Variants in RRBP1 observed in about 807,000 individuals in gnomAD.
RRBP1 encodes the protein ribosome binding protein 1.
RRBP1 carries 94 observed loss-of-function variants against 165.2 expected under a neutral mutation model. The observed-to-expected ratio is 0.57, with a 90% CI of 0.48 to 0.68. RRBP1 has a LOEUF of 0.68. Ranked by LOEUF, RRBP1 falls within the 30% of genes least tolerant of loss-of-function variation. RRBP1 has a pLI of 0.00. For synonymous variants in RRBP1, 680 were observed against 714.5 expected (o/e 0.95, Z 0.77); for missense variants, 1,676 against 1,763.0 (o/e 0.95, Z 0.88).
Position 17,659,878 on chromosome 20 carries a change from T to A in RRBP1, c.630A>T (p.Lys210Asn), listed in dbSNP as rs1432682695. 6 of 1,552,564 alleles carry A rather than the reference T, an allele frequency of 3.9e-6. No individual in the cohort carries two copies. In the East Asian group the frequency reaches 1.2e-4, roughly 32 times the overall value. ...KKAEGTQNQS[K>N]KAEGAPNQGR... The stretch of plus-strand genomic sequence containing the variant: ...CCTGGTTTGGGGCTCCTTCAGCCTT[T>A]TTGCTTTGATTCTGAGTCCCCTCCG... Residue 210 changes from lysine to asparagine, a missense_variant, in exon 3 of 25, where the codon AAA becomes AAT. Around this residue, in one of 5 missense-constraint regions of RRBP1, gnomAD observed 392 missense variants for 382.5 expected, o/e 1.02. Transcript: ENST00000377813.
chr20:17,658,456 C>A (rs768746257), intron 3 of RRBP1, 140 bp downstream of exon 3: 34 of 704,158 alleles, frequency 4.8e-5, no homozygotes, highest in African/African-American at 5.4e-5. Flanking sequence ...TTGAAGGCCA[C>A]TGAATTTTTT....
chr20:17,656,431 A>G (rs1022867498), intron 3 of RRBP1, among the ~76,000 whole-genome samples: 1 of 152,068 alleles, frequency 6.6e-6, no homozygotes, highest in Non-Finnish European at 1.5e-5. Flanking sequence ...AATTAAATCT[A>G]TTTCATCCAA....
rs192893871 is a variant in RRBP1, at chr20:17,638,832, C to A, written c.2185-2103G>T. On this transcript the variant is annotated intron_variant, in intron 5 of 24. Transcript: ENST00000377813. ...GCGCTGTTCCCTAGGAGTAGTGGGGCCCCTCATGGTGTAAGCTTTGAGGAC... is the reference window on the plus strand; with the variant it reads ...GCGCTGTTCCCTAGGAGTAGTGGGGACCCTCATGGTGTAAGCTTTGAGGAC... Among the ~76,000 whole-genome samples the A allele has an allele frequency of 1.8e-3, 270 of 152,208 alleles. 2 individuals carry two copies. Among genetic ancestry groups the A allele is most frequent in the South Asian group, 2.3e-3 (11 of 4,808 alleles).
At chr20:17,634,691 G>A (rs1025183869) in intron 7 of RRBP1, among the ~76,000 whole-genome samples, 2 of 152,212 alleles carry the variant, frequency 1.3e-5, no homozygotes, top group African/African-American at 4.8e-5. Flanking sequence ...GTGGGGAGAC[G>A]CCAGAGAATT....
At chr20:17,616,665 G>T in intron 21 of RRBP1, 67 bp downstream of exon 21, 2 of 1,090,740 alleles carry the variant, frequency 1.8e-6, no homozygotes, top group Non-Finnish European at 2.7e-6. Context: ...TAGTCCGAAC[G>T]GAGGCAGCAG....
chr20:17,641,606 G>T, intron 5 of RRBP1, 191 bp downstream of exon 5: 1 of 678,326 alleles, frequency 1.5e-6, no homozygotes, highest in East Asian at 2.6e-5. Context: ...CACGAGCACT[G>T]CCAAGGGTGA....
At chr20:17,623,855 C>T (rs189099311) in intron 13 of RRBP1, among the ~76,000 whole-genome samples, 125 of 152,042 alleles carry the variant, frequency 8.2e-4, no homozygotes, top group Middle Eastern at 3.4e-3. Context: ...TTGCTTGAAC[C>T]CGGGAGGCAG....
intron 1 of RRBP1, among the ~76,000 whole-genome samples, chr20:17,681,493 G>GC (rs2037186689): frequency 6.7e-6 from 1 of 149,064 alleles, no homozygotes; most frequent in Non-Finnish European, 1.5e-5. Flanking sequence ...CGGCCCGTGG[G>GC]CCCCCATTCA....
In RRBP1 at chr20:17,627,650, C is replaced by T. The variant is rs754640677; in HGVS notation, c.2782G>A (p.Glu928Lys). 1 of 1,610,816 alleles carries T rather than the reference C, an allele frequency of 6.2e-7. No individual in the cohort carries two copies. The highest frequency in any genetic ancestry group is 2.2e-5 in the East Asian group (1 of 44,826). The change falls in exon 10 of 25, where the codon GAG becomes AAG. Residue 928 changes from glutamate (E) to lysine (K), a missense_variant. Glu to Lys is a moderately conservative substitution (Grantham distance 56). Transcript: ENST00000377813. ...LHSKLQSSEAEVRSKCEELSG... is the reference protein window; with the variant it reads ...LHSKLQSSEAKVRSKCEELSG... ...AGCTCCTCGCATTTGCTGCGCACCT[C>T]CGCCTCGGAGGACTGTAACTTGCTG...
intron 22 of RRBP1, among the ~76,000 whole-genome samples, 161 bp downstream of exon 22, chr20:17,615,765 G>T (rs2035787967): frequency 6.6e-6 from 1 of 152,210 alleles, no homozygotes; most frequent in African/African-American, 2.4e-5. Context: ...TCCAGCCTGT[G>T]CTCCACCTGC....
chr20:17,654,515 G>A (rs571051297), intron 3 of RRBP1, among the ~76,000 whole-genome samples: 1 of 152,126 alleles, frequency 6.6e-6, no homozygotes, highest in East Asian at 1.9e-4. Context: ...TTGAATTTCG[G>A]GCCTTACCAC....
intron 18 of RRBP1, 33 bp from the exon 19 acceptor site, chr20:17,619,761 G>A (rs374505998): frequency 5.4e-5 from 81 of 1,504,116 alleles, no homozygotes; most frequent in African/African-American, 6.8e-5. Flanking sequence ...ACACGCATGC[G>A]CCAGCAGCCT....
At position 17,647,403 on chromosome 20, in the gene RRBP1, C is replaced by T. The variant is rs562189107; in HGVS notation, c.1913-4276G>A. On this transcript the variant is annotated intron_variant, in intron 3 of 24. Coordinates refer to ENST00000377813, the MANE Select transcript of RRBP1 (RefSeq NM_001365613.2). ...GGCCCTAGCGTGTCAGACTTGCACC[C>T]GAGGTTGGACTAGGTCCAAGTCTTC... Among the ~76,000 whole-genome samples, 20 of 152,302 alleles carry T rather than the reference C, an allele frequency of 1.3e-4. No homozygotes were observed. The South Asian group carries it at 2.9e-3, about 22-fold the overall frequency.
chr20:17,636,718 T>C lies in RRBP1; in HGVS notation c.2196A>G (p.Ala732=), dbSNP rs752398629. Residue 732 remains alanine, a synonymous_variant, in exon 6 of 25, where the codon GCA becomes GCG. Coordinates refer to ENST00000377813, the MANE Select transcript of RRBP1 (RefSeq NM_001365613.2). ...CCCCGGCTGCTGCTTTGGCCTTTTC[T>C]GCTGCCATCTCCTGGGGGGAAAGTA... ...KLRELNKEMA[A]EKAKAAAGEA... 1.2e-6 allele frequency: 2 copies of C among 1,612,962 alleles called. No individual in the cohort carries two copies. The highest frequency in any genetic ancestry group is 4.5e-5 in the East Asian group (2 of 44,882).
chr20:17,621,828 TC>T, intron 14 of RRBP1, 26 bp downstream of exon 14: 9 of 1,612,560 alleles, frequency 5.6e-6, no homozygotes, highest in Non-Finnish European at 7.6e-6. Flanking sequence ...AACTGTGAGG[TC>T]CCCGGGAACC....
At chr20:17,630,059 A>G in intron 8 of RRBP1, 98 bp from the exon 9 acceptor site, 1 of 1,316,668 alleles carries the variant, frequency 7.6e-7, no homozygotes, top group Non-Finnish European at 1.0e-6. Context: ...ACCCCACCAA[A>G]GCCCCGTGCA....
intron 4 of RRBP1, among the ~76,000 whole-genome samples, chr20:17,642,138 G>A (rs897703183): frequency 6.6e-6 from 1 of 152,266 alleles, no homozygotes; most frequent in African/African-American, 2.4e-5. Flanking sequence ...GGACTGTCAA[G>A]GCCAAAGGCT....
intron 19 of RRBP1, chr20:17,618,904 G>A (rs1186355134): frequency 3.7e-6 from 2 of 542,336 alleles, no homozygotes; most frequent in Non-Finnish European, 6.6e-6. Context: ...CCTCTTTCAG[G>A]CCTTCACAAA....
Position 17,665,376 on chromosome 20 carries a change from C to A in RRBP1, c.-21-4848G>T, listed in dbSNP as rs1006880633. 3.3e-5 allele frequency among the ~76,000 whole-genome samples: 5 copies of A among 152,010 alleles called. No individual in the cohort carries two copies. The East Asian group carries it at 7.7e-4, about 23-fold the overall frequency. On this transcript the variant is annotated intron_variant, in intron 2 of 24. Transcript: ENST00000377813. ...TAGATACACATAGCTTTGGTTTATT[C>A]TTTTTGTTTTTTTGAGACAAAGTCT...
Sources: allele counts gnomAD v4.1 joint callset (sites outside exome capture counted in the v4.1 genomes callset), GRCh38; gene constraint gnomAD v4.1.1; regional missense constraint gnomAD v4.1.1; transcripts MANE v1.5; gene names NCBI Gene and HGNC (gene_info 2026-07-23, HGNC 2026-07-21).